RPS6KC1: variants seen among roughly 807,000 people sequenced by gnomAD.
RPS6KC1 encodes the protein inactive ribosomal protein S6 kinase delta-1.
In RPS6KC1, 54 loss-of-function variants were observed where a neutral mutation model predicts 103.8. The observed-to-expected ratio is 0.52, with a 90% CI of 0.42 to 0.65. The LOEUF is 0.65. Among genes scored for constraint, RPS6KC1 ranks in the 30% least tolerant of loss-of-function variants. The probability of loss-of-function intolerance (pLI) is 0.00; values close to 1 mark genes in which losing one functional copy is unlikely to be tolerated. For synonymous variants in RPS6KC1, 439 were observed against 438.7 expected (o/e 1.00, Z -0.01); for missense variants, 1,151 against 1,253.8 (o/e 0.92, Z 1.24).
chr1:213,220,825 A>T (rs2093811750), intron 8 of RPS6KC1, among the ~76,000 whole-genome samples: 1 of 152,202 alleles, frequency 6.6e-6, no homozygotes, highest in Non-Finnish European at 1.5e-5. Flanking sequence ...TTAGAATTGA[A>T]TATAGTTAGA....
At chr1:213,487,222 G>T in the RPS6KC1 span, among the ~76,000 whole-genome samples, 1 of 152,128 alleles carries the variant, frequency 6.6e-6, no homozygotes, top group Non-Finnish European at 1.5e-5. Flanking sequence ...GGGCAACATG[G>T]CGAATCCCTG....
chr1:213,455,636 T>C, the RPS6KC1 span, among the ~76,000 whole-genome samples: 2 of 152,036 alleles, frequency 1.3e-5, no homozygotes, highest in Non-Finnish European at 2.9e-5. Context: ...TGGAATGAGA[T>C]TATGCAGAGA....
chr1:213,708,275 C>T, the RPS6KC1 span, among the ~76,000 whole-genome samples: 5 of 152,024 alleles, frequency 3.3e-5, no homozygotes, highest in African/African-American at 1.2e-4. Flanking sequence ...AGTTGTATTC[C>T]TAGGTATTTT....
At chr1:213,167,821 A>T in intron 6 of RPS6KC1, 37 bp from the exon 7 acceptor site, 1 of 1,414,750 alleles carries the variant, frequency 7.1e-7, no homozygotes, top group Non-Finnish European at 9.8e-7. Context: ...GAACTGAGGA[A>T]AATTTATTTT....
At chr1:213,402,958 C>CAAAAAA in the RPS6KC1 span, among the ~76,000 whole-genome samples, 5 of 111,508 alleles carry the variant, frequency 4.5e-5, no homozygotes, top group African/African-American at 7.0e-5. Context: ...ACTAAAAATA[C>CAAAAAA]AAAAAAAAAA....
At chr1:213,443,051 G>C in the RPS6KC1 span, among the ~76,000 whole-genome samples, 1 of 151,874 alleles carries the variant, frequency 6.6e-6, no homozygotes, top group Non-Finnish European at 1.5e-5. Flanking sequence ...TTTGAGAACT[G>C]TTGGCGGCGA....
chr1:213,255,151 A>G (rs116638682), intron 12 of RPS6KC1, among the ~76,000 whole-genome samples: 6,879 of 151,914 alleles, frequency 0.045, 237 homozygotes, highest in South Asian at 0.077. Context: ...AAATAGAAAT[A>G]AAAAAATTAG....
the RPS6KC1 span, among the ~76,000 whole-genome samples, chr1:213,428,472 C>CCCTTCCTT: frequency 5.9e-5 from 2 of 34,150 alleles, no homozygotes; most frequent in Admixed American, 4.5e-4. Context: ...TTTCCTCCCT[C>CCCTTCCTT]CCTCCCTCCC....
chr1:213,583,826 AAAAAAAAAAAAAG>A, the RPS6KC1 span, among the ~76,000 whole-genome samples: 1 of 143,672 alleles, frequency 7.0e-6, no homozygotes, highest in East Asian at 1.9e-4. Context: ...GTCTCAAAAA[AAAAAAAAAAAAAG>A]AAAAAAGAAA....
At chr1:213,380,831 T>A in the RPS6KC1 span, among the ~76,000 whole-genome samples, 1 of 152,126 alleles carries the variant, frequency 6.6e-6, no homozygotes, top group Non-Finnish European at 1.5e-5. Context: ...GGGCAGAGCG[T>A]CTGTCCACCT....
At position 213,241,401 on chromosome 1, in the gene RPS6KC1, C is replaced by T; in HGVS notation, c.1925C>T (p.Ser642Phe). 6 of 1,613,938 alleles carry T rather than the reference C, an allele frequency of 3.7e-6. No homozygotes were observed. The highest frequency in any genetic ancestry group is 5.1e-6 in the Non-Finnish European group (6 of 1,179,928). Residue 642 changes from serine (S) to phenylalanine (F), a missense_variant, in exon 11 of 15, where the codon TCT becomes TTT. This residue lies in a region of RPS6KC1 where 959 missense variants were observed against 1,006.3 expected (regional missense o/e 0.95). Coordinates refer to ENST00000366960, the MANE Select transcript of RPS6KC1 (RefSeq NM_012424.6). ...ACTCTTCCAGATGGAGACAGTGCTT[C>T]TAGGAGTTTTAATACTAGTGAAAGC... is the stretch of plus-strand genomic sequence containing the variant. ...FFTLPDGDSA[S>F]RSFNTSESKV... is the part of the protein sequence containing the mutation.
chr1:213,565,563 A>G, the RPS6KC1 span, among the ~76,000 whole-genome samples: 2 of 152,236 alleles, frequency 1.3e-5, no homozygotes, highest in African/African-American at 4.8e-5. Context: ...ACTAATCTAC[A>G]GTGGAAAAAC....
chr1:213,611,974 A>G, the RPS6KC1 span, among the ~76,000 whole-genome samples: 1 of 152,302 alleles, frequency 6.6e-6, no homozygotes, highest in South Asian at 2.1e-4. Context: ...TTTGTGCAGA[A>G]ACCAGATGGA....
At chr1:213,170,484 CA>C (rs2091385085) in intron 7 of RPS6KC1, among the ~76,000 whole-genome samples, 1 of 152,210 alleles carries the variant, frequency 6.6e-6, no homozygotes, top group Admixed American at 6.5e-5. Flanking sequence ...CCTGCTCTTG[CA>C]AATCCTGTAG....
the RPS6KC1 span, among the ~76,000 whole-genome samples, chr1:213,760,943 G>A: frequency 1.1e-5 from 1 of 92,384 alleles, no homozygotes; most frequent in East Asian, 5.3e-4. Flanking sequence ...GGGGGAAAAT[G>A]AACATGGGCT....
At chr1:213,154,895 G>A (rs1283020347) in intron 6 of RPS6KC1, among the ~76,000 whole-genome samples, 2 of 152,222 alleles carry the variant, frequency 1.3e-5, no homozygotes, top group Non-Finnish European at 1.5e-5. Context: ...TCACAGGCTC[G>A]CCTGAAGCCG....
the RPS6KC1 span, among the ~76,000 whole-genome samples, chr1:213,800,908 C>T: frequency 1.7e-4 from 26 of 152,200 alleles, 1 homozygote; most frequent in African/African-American, 6.3e-4. Flanking sequence ...GATATTGGAC[C>T]TCAGTTGAAC....
downstream of RPS6KC1, among the ~76,000 whole-genome samples, chr1:213,276,947 G>A (rs1171731469): frequency 1.3e-5 from 2 of 152,280 alleles, no homozygotes; most frequent in Non-Finnish European, 1.5e-5. Flanking sequence ...CATATTTTGT[G>A]TGTTTATTTG....
At chr1:213,830,595 CGG>C in the RPS6KC1 span, among the ~76,000 whole-genome samples, 1 of 150,156 alleles carries the variant, frequency 6.7e-6, no homozygotes, top group South Asian at 2.1e-4. Flanking sequence ...CCACCTTCAA[CGG>C]CCATGGTGAA....
Sources: allele counts gnomAD v4.1 joint callset (sites outside exome capture counted in the v4.1 genomes callset), GRCh38; gene constraint gnomAD v4.1.1; regional missense constraint gnomAD v4.1.1; transcripts MANE v1.5; gene names NCBI Gene and HGNC (gene_info 2026-07-23, HGNC 2026-07-21).